Variants in ZNF775 observed in about 807,000 individuals in gnomAD.
ZNF775 encodes the protein zinc finger protein 775.
ZNF775 carries 1 observed loss-of-function variant against 2.4 expected under a neutral mutation model. The ratio of observed to expected loss-of-function variants is 0.41; its 90% CI spans 0.15 to 1.94. ZNF775 has a LOEUF of 1.94. Among genes scored for constraint, ZNF775 ranks in the 30% most tolerant of loss-of-function variants. ZNF775 has a pLI of 0.30. For synonymous variants in ZNF775, 381 were observed against 373.3 expected, an observed-to-expected ratio of 1.02 and a Z score of -0.24; for missense variants, 823 against 826.6, an observed-to-expected ratio of 1.00 and a Z score of 0.05.
intron 2 of ZNF775, 84 bp downstream of exon 2, chr7:150,388,585 GAGCCAGTGCCCTCAGCCAGT>G: frequency 6.7e-7 from 1 of 1,493,634 alleles, no homozygotes. Flanking sequence ...AGCCAGGCGC[GAGCCAGTGCCCTCAGCCAGT>G]AGCTAGTACA....
chr7:150,397,091 G>T lies in ZNF775; in HGVS notation c.610G>T (p.Val204Leu). Residue 204 changes from valine (V) to leucine (L), a missense_variant, in exon 3 of 3, where the codon GTG becomes TTG. Coordinates refer to ENST00000329630, the MANE Select transcript of ZNF775 (RefSeq NM_173680.4). ...PECERCFRHQ[V>L]GLRIHQRAHA... Reference sequence around the variant, plus strand: ...GTGCGAGCGCTGCTTCCGTCACCAGGTGGGCCTCCGCATCCACCAGCGCGC... The same window carrying T: ...GTGCGAGCGCTGCTTCCGTCACCAGTTGGGCCTCCGCATCCACCAGCGCGC... 1 of 1,566,752 alleles carries T rather than the reference G, an allele frequency of 6.4e-7. No homozygotes were observed.
At position 150,398,061 on chromosome 7, in the gene ZNF775, C is replaced by A. The variant is rs371092824; in HGVS notation, c.1580C>A (p.Ala527Asp). The part of the protein sequence containing the change: ...LLKHQRVHRA[A>D]PACSPKEEAR ...AAGCACCAGCGCGTGCACCGCGCGGCCCCTGCGTGCAGCCCCAAGGAGGAG... is the reference window on the plus strand; with the variant it reads ...AAGCACCAGCGCGTGCACCGCGCGGACCCTGCGTGCAGCCCCAAGGAGGAG... Residue 527 changes from alanine (A) to aspartate (D), a missense_variant, in exon 3 of 3, where the codon GCC (alanine) becomes GAC (aspartate). By Grantham distance (126) the Ala-to-Asp change is moderately radical (BLOSUM62 -2). Coordinates refer to ENST00000329630, the MANE Select transcript of ZNF775 (RefSeq NM_173680.4). 12 of 1,562,860 alleles carry A rather than the reference C, an allele frequency of 7.7e-6. No individual in the cohort carries two copies. In the East Asian group the frequency reaches 2.8e-4, roughly 37 times the overall value.
Position 150,397,720 on chromosome 7 carries a change from C to T in ZNF775, c.1239C>T (p.Ala413=). The change falls in exon 3 of 3, where the codon GCC becomes GCT. Residue 413 remains alanine, a synonymous_variant. Coordinates refer to ENST00000329630, the MANE Select transcript of ZNF775 (RefSeq NM_173680.4). The stretch of plus-strand genomic sequence containing the variant: ...AGGCCGAGGCCATCCCGGGCTTGGC[C>T]GCGAGGCCGCGGAGCTCCCAACGGT... ...QPQAEAIPGL[A]ARPRSSQRSP... 12 of 1,410,360 alleles carry T rather than the reference C, an allele frequency of 8.5e-6. No individual in the cohort carries two copies. The highest frequency in any genetic ancestry group is 4.5e-5 in the South Asian group (3 of 66,230). The allele number at this position is 1,410,360 out of a possible 1,614,324, so 87.4% of individuals were successfully genotyped here.
chr7:150,396,058 C>T (rs1019473759), intron 2 of ZNF775, among the ~76,000 whole-genome samples: 1 of 152,190 alleles, frequency 6.6e-6, no homozygotes, highest in South Asian at 2.1e-4. Context: ...CACGTCGATC[C>T]TCTTAGAAAA....
chr7:150,389,075 C>T (rs189468759), intron 2 of ZNF775, among the ~76,000 whole-genome samples: 5 of 152,348 alleles, frequency 3.3e-5, no homozygotes, highest in African/African-American at 1.2e-4. Flanking sequence ...GTGGAGCAGC[C>T]CCTGGCGTCT....
Position 150,384,931 on chromosome 7 carries a change from C to G in ZNF775, c.-49-3491C>G, listed in dbSNP as rs1044200382. Among the ~76,000 whole-genome samples the G allele has an allele frequency of 6.6e-6, 1 of 152,172 alleles. No individual in the cohort carries two copies. Among genetic ancestry groups the G allele is most frequent in the African/African-American group, 2.4e-5 (1 of 41,434 alleles). ...GGTCTCGCTCTGTGGAGACCCAGGC[C>G]CATCCTTCTGTCCTCCTGAATTTGT... On this transcript the variant is annotated intron_variant, in intron 1 of 2. Coordinates refer to ENST00000329630, the MANE Select transcript of ZNF775 (RefSeq NM_173680.4). The surrounding 1 kb of genome is among the most constrained non-coding windows in gnomAD (Gnocchi z 4.1).
intron 2 of ZNF775, among the ~76,000 whole-genome samples, chr7:150,388,856 C>T (rs745491228): frequency 3.7e-4 from 57 of 152,160 alleles, no homozygotes; most frequent in Non-Finnish European, 8.8e-5. Context: ...CTAGGTAGGA[C>T]GATTGGAACA....
intron 2 of ZNF775, among the ~76,000 whole-genome samples, chr7:150,396,049 A>G (rs577764786): frequency 6.6e-6 from 1 of 152,342 alleles, no homozygotes; most frequent in South Asian, 2.1e-4. Flanking sequence ...AGCTTCCAGC[A>G]CGTCGATCCT....
At chr7:150,394,479 G>C (rs1800613433) in intron 2 of ZNF775, among the ~76,000 whole-genome samples, 1 of 152,340 alleles carries the variant, frequency 6.6e-6, no homozygotes, top group South Asian at 2.1e-4. Context: ...CTCAAGGACA[G>C]CCGGCTGATT....
chr7:150,381,752 T>G (rs1280004606), intron 1 of ZNF775, among the ~76,000 whole-genome samples: 1 of 152,122 alleles, frequency 6.6e-6, no homozygotes, highest in Non-Finnish European at 1.5e-5. Flanking sequence ...GCCTGTTCTT[T>G]GGGTTGGACA....
chr7:150,390,698 T>A (rs930181480), intron 2 of ZNF775, among the ~76,000 whole-genome samples: 26 of 152,368 alleles, frequency 1.7e-4, no homozygotes, highest in Admixed American at 1.4e-3. Context: ...TTTTTTAGGA[T>A]AATTAAGTTA....
intron 1 of ZNF775, chr7:150,380,081 G>C (rs1365530731): frequency 6.6e-6 from 1 of 152,212 alleles, no homozygotes; most frequent in Non-Finnish European, 1.5e-5. Flanking sequence ...GTCCTCCTTC[G>C]GCCCTTTGAG....
In ZNF775 at chr7:150,396,659, C is replaced by T; in HGVS notation, c.178C>T (p.Pro60Ser). The T allele has an allele frequency of 6.2e-7, 1 of 1,611,040 alleles. No individual in the cohort carries two copies. Among genetic ancestry groups the T allele is most frequent in the Non-Finnish European group, 8.5e-7 (1 of 1,179,400 alleles). The change falls in exon 3 of 3, where the codon CCT becomes TCT. Residue 60 changes from proline (P) to serine (S), a missense_variant. By Grantham distance (74) the Pro-to-Ser change is moderately conservative (BLOSUM62 -1). Coordinates refer to ENST00000329630, the MANE Select transcript of ZNF775 (RefSeq NM_173680.4). Reference sequence around the variant, plus strand: ...CCCGCCACGCCAGACCATGGGGCGGCCTCGAGCCCTGGGGGGACAGGAGGA... The same window carrying T: ...CCCGCCACGCCAGACCATGGGGCGGTCTCGAGCCCTGGGGGGACAGGAGGA... ...GLPPRQTMGR[P>S]RALGGQEESG...
chr7:150,396,095 A>C (rs1800643707), intron 2 of ZNF775, among the ~76,000 whole-genome samples: 1 of 152,088 alleles, frequency 6.6e-6, no homozygotes, highest in South Asian at 2.1e-4. Context: ...CAGCTTGGCC[A>C]CTTTCTCCTT....
At position 150,398,374 on chromosome 7, in the gene ZNF775, CG is replaced by C. The variant is rs976472117; in HGVS notation, c.*280del. 4 of 529,096 alleles carry C rather than the reference CG, an allele frequency of 7.6e-6. No individual in the cohort carries two copies. Among genetic ancestry groups the C allele is most frequent in the African/African-American group, 2.0e-5 (1 of 50,834 alleles). 32.8% of individuals were successfully genotyped at this position (529,096 alleles called of 1,614,324 possible). On this transcript the variant is annotated 3_prime_UTR_variant, in exon 3 of 3. Coordinates refer to ENST00000329630, the MANE Select transcript of ZNF775 (RefSeq NM_173680.4). ...AGGTTGGACCCCAGGCTTCAAGCAC[CG>C]AGTGAGGGGTCTGTTGGGGACGCTG...
chr7:150,396,283 C>T (rs1800649330), intron 2 of ZNF775, among the ~76,000 whole-genome samples: 1 of 152,176 alleles, frequency 6.6e-6, no homozygotes, highest in South Asian at 2.1e-4. Flanking sequence ...CTTTCTATAT[C>T]TTAACCTGCC....
chr7:150,397,351 C>G lies in ZNF775; in HGVS notation c.870C>G (p.Phe290Leu). 12 of 1,596,440 alleles carry G rather than the reference C, an allele frequency of 7.5e-6. No individual in the cohort carries two copies. Among genetic ancestry groups the G allele is most frequent in the Non-Finnish European group, 1.0e-5 (12 of 1,175,018 alleles). The change falls in exon 3 of 3, where the codon TTC becomes TTG. Residue 290 changes from phenylalanine (F) to leucine (L), a missense_variant. Transcript: ENST00000329630. ...TCTGCAACGAGTGTGGCAAGAGCTT[C>G]ACCTGGTGGTCGTCGCTGAACATCC... ...QFICNECGKSFTWWSSLNIHQ... is the reference protein window; with the variant it reads ...QFICNECGKSLTWWSSLNIHQ...
At chr7:150,386,406 G>A (rs1177178721) in intron 1 of ZNF775, among the ~76,000 whole-genome samples, 1 of 152,072 alleles carries the variant, frequency 6.6e-6, no homozygotes, top group Non-Finnish European at 1.5e-5. Context: ...TTTGCACCAG[G>A]GAAAATGACT....
At position 150,397,684 on chromosome 7, in the gene ZNF775, C is replaced by T. The variant is rs1347258286; in HGVS notation, c.1203C>T (p.Gly401=). The change falls in exon 3 of 3, where the codon GGC becomes GGT. Residue 401 remains glycine, a synonymous_variant. Coordinates refer to ENST00000329630, the MANE Select transcript of ZNF775 (RefSeq NM_173680.4). ...CCGCCGTTCCGGCCGGGGAACCGGGCGACCAGCCGCAGGCCGAGGCCATCC... is the reference window on the plus strand; with the variant it reads ...CCGCCGTTCCGGCCGGGGAACCGGGTGACCAGCCGCAGGCCGAGGCCATCC... ...AEPAVPAGEP[G]DQPQAEAIPG... The T allele has an allele frequency of 2.2e-6, 3 of 1,342,320 alleles. No individual in the cohort carries two copies. Among genetic ancestry groups the T allele is most frequent in the South Asian group, 1.7e-5 (1 of 58,840 alleles). The allele number at this position is 1,342,320 out of a possible 1,614,324, so 83.2% of individuals were successfully genotyped here.
Sources: gnomAD v4.1 joint callset for allele counts (sites outside exome capture counted in the v4.1 genomes callset) on GRCh38, gnomAD v4.1.1 for gene constraint, Gnocchi (gnomAD v3.1) non-coding constraint, MANE v1.5 for transcripts, NCBI Gene and HGNC (gene_info 2026-07-23, HGNC 2026-07-21) for gene names.